Variants in PRSS55 observed in about 807,000 individuals in gnomAD.
The protein encoded by PRSS55 is serine protease 55, also known as probable serine protease UNQ9391/PRO34284.
In PRSS55, 41 loss-of-function variants were observed where a neutral mutation model predicts 23.6. The ratio of observed to expected loss-of-function variants is 1.74; its 90% CI spans 1.35 to 2.26. PRSS55 has a LOEUF of 2.26. PRSS55 is among the 30% of genes most tolerant of loss of function. The probability of loss-of-function intolerance (pLI) is 0.00; values close to 1 mark genes in which losing one functional copy is unlikely to be tolerated. For missense variants in PRSS55, 669 were observed against 439.1 expected, an observed-to-expected ratio of 1.52 and a Z score of -4.68; for synonymous variants, 262 against 175.5, an observed-to-expected ratio of 1.49 and a Z score of -3.90.
At chr8:10,545,000 G>T in intron 4 of PRSS55, 1 of 985,226 alleles carries the variant, frequency 1.0e-6, no homozygotes, top group Non-Finnish European at 1.2e-6. Flanking sequence ...GTGCTCTGTT[G>T]ACCCAGCCTC....
At chr8:10,541,992 G>T (rs772933203), downstream of PRSS55, among the ~76,000 whole-genome samples, 5 of 152,100 alleles carry the variant, frequency 3.3e-5, no homozygotes, top group Non-Finnish European at 7.3e-5. Flanking sequence ...GCCCAGGCTG[G>T]TCTCAAACTC....
intron 1 of PRSS55, among the ~76,000 whole-genome samples, chr8:10,527,103 T>TA (rs1812052845): frequency 6.6e-6 from 1 of 152,230 alleles, no homozygotes; most frequent in Non-Finnish European, 1.5e-5. Context: ...CTCAACGTAA[T>TA]AAAATCACAA....
rs1585899591 is a variant in PRSS55, at chr8:10,551,957, A to G, written c.742-1986A>G. Among the ~76,000 whole-genome samples the G allele has an allele frequency of 2.0e-5, 3 of 152,206 alleles. No homozygotes were observed. The South Asian group carries it at 6.2e-4, about 32-fold the overall frequency. On this transcript the variant is annotated intron_variant, in intron 4 of 4. Coordinates refer to the PRSS55 transcript ENST00000522210. ...AAAGAGGCAGTTAAACGACAGAAAC[A>G]TTGCCCGTTTGGCTAATAGCTCTAC...
intron 4 of PRSS55, among the ~76,000 whole-genome samples, chr8:10,534,174 G>C (rs183835572): frequency 2.3e-4 from 35 of 152,236 alleles, no homozygotes; most frequent in African/African-American, 8.2e-4. Context: ...TCTGGTTCCA[G>C]ACAAGACGGA....
chr8:10,539,516 T>A (rs1353877645), downstream of PRSS55, among the ~76,000 whole-genome samples: 1 of 152,240 alleles, frequency 6.6e-6, no homozygotes, highest in Admixed American at 6.5e-5. Flanking sequence ...CCCACTGATA[T>A]GGTTTGGCTA....
Position 10,533,040 on chromosome 8 carries a change from G to C in PRSS55, c.733G>C (p.Ala245Pro). ...CAGYKNESYD[A>P]CKGDSGGPLV... is the part of the protein sequence containing the mutation. ...CGGATACAAGAATGAGAGCTATGAT[G>C]CCTGCAAGGTAACTAGGGGGTACCC... Residue 245 changes from alanine (A) to proline (P), a missense_variant, in exon 4 of 5, where the codon GCC becomes CCC. Coordinates refer to ENST00000328655, the MANE Select transcript of PRSS55 (RefSeq NM_198464.4). 6.2e-7 allele frequency: 1 copy of C among 1,614,148 alleles called. No individual in the cohort carries two copies.
intron 3 of PRSS55, 94 bp from the exon 4 acceptor site, chr8:10,532,811 TG>T: frequency 4.7e-6 from 7 of 1,504,946 alleles, no homozygotes; most frequent in Non-Finnish European, 6.4e-6. Flanking sequence ...GGATGGGGGC[TG>T]GGGGACACAG....
Position 10,530,457 on chromosome 8 carries a change from C to G in PRSS55, c.347+758C>G, listed in dbSNP as rs150262451. Among the ~76,000 whole-genome samples, 256 of 152,360 alleles carry G rather than the reference C, an allele frequency of 1.7e-3. 1 individual carries two copies. The highest frequency in any genetic ancestry group is 0.016 in the East Asian group (84 of 5,178). ...ACCACTGGCACTCCCGCCTGGGCGA[C>G]AGAGCGAAACTCCATCTCAAAAAAA... On this transcript the variant is annotated intron_variant, in intron 2 of 4. Transcript: ENST00000328655.
At chr8:10,537,140 G>T (rs1333200329) in intron 4 of PRSS55, among the ~76,000 whole-genome samples, 1 of 152,196 alleles carries the variant, frequency 6.6e-6, no homozygotes, top group Non-Finnish European at 1.5e-5. Flanking sequence ...ACGTCCAAAA[G>T]AAAGGAAATC....
At chr8:10,534,872 G>A (rs984111852) in intron 4 of PRSS55, among the ~76,000 whole-genome samples, 16 of 152,072 alleles carry the variant, frequency 1.1e-4, no homozygotes, top group Non-Finnish European at 1.9e-4. Flanking sequence ...GCAAAGTTTC[G>A]GGATACAAAA....
rs1179408681 is a variant in PRSS55 at position 10,538,781 on chromosome 8, T to G, written c.1047T>G (p.Ala349=). ...LCPLSHVLFR[A]ILY ...CCCTGTCCCATGTGTTGTTCAGAGC[T>G]ATTTTGTACTGATAATAAAATAGAG... is the stretch of plus-strand genomic sequence containing the variant. The change falls in exon 5 of 5, where the codon GCT becomes GCG. Residue 349 remains alanine (A), a synonymous_variant. Coordinates refer to ENST00000328655, the MANE Select transcript of PRSS55 (RefSeq NM_198464.4). The G allele has an allele frequency of 2.6e-6, 4 of 1,563,506 alleles. 1 individual carries two copies. Among genetic ancestry groups the G allele is most frequent in the Non-Finnish European group, 3.5e-6 (4 of 1,158,158 alleles).
chr8:10,546,001 G>A (rs1317448612), intron 4 of PRSS55, among the ~76,000 whole-genome samples: 1 of 152,114 alleles, frequency 6.6e-6, no homozygotes, highest in Non-Finnish European at 1.5e-5. Context: ...CTGAGGCTCA[G>A]ATGCTGCGTG....
At chr8:10,534,951 T>A (rs933186081) in intron 4 of PRSS55, among the ~76,000 whole-genome samples, 6 of 152,124 alleles carry the variant, frequency 3.9e-5, no homozygotes, top group Non-Finnish European at 8.8e-5. Context: ...AAATCAAAAA[T>A]GCAATCCCAT....
downstream of PRSS55, among the ~76,000 whole-genome samples, chr8:10,543,733 T>C (rs1321092205): frequency 6.6e-6 from 1 of 152,068 alleles, no homozygotes; most frequent in African/African-American, 2.4e-5. Flanking sequence ...TGTGTTATGT[T>C]TTCACTCTCA....
chr8:10,537,987 C>G (rs1585881911), intron 4 of PRSS55, among the ~76,000 whole-genome samples: 1 of 152,178 alleles, frequency 6.6e-6, no homozygotes, highest in African/African-American at 2.4e-5. Flanking sequence ...AAGGGTCACA[C>G]ATTCTGAAAA....
At chr8:10,541,930 C>T (rs1487175391), downstream of PRSS55, among the ~76,000 whole-genome samples, 7 of 152,114 alleles carry the variant, frequency 4.6e-5, no homozygotes, top group South Asian at 1.5e-3. Flanking sequence ...CACATCACCA[C>T]ACCTGGCTCA....
At chr8:10,534,347 T>C (rs753005970) in intron 4 of PRSS55, among the ~76,000 whole-genome samples, 3 of 152,172 alleles carry the variant, frequency 2.0e-5, no homozygotes, top group Non-Finnish European at 4.4e-5. Context: ...ACTACACACA[T>C]CTTGACCAGA....
intron 1 of PRSS55, among the ~76,000 whole-genome samples, chr8:10,528,700 C>T (rs955677558): frequency 5.3e-5 from 8 of 152,214 alleles, no homozygotes; most frequent in African/African-American, 1.4e-4. Context: ...AAATGAATGA[C>T]CACACACCTG....
downstream of PRSS55, among the ~76,000 whole-genome samples, chr8:10,542,413 G>T (rs1309499754): frequency 3.0e-5 from 1 of 32,840 alleles, no homozygotes; most frequent in Non-Finnish European, 6.3e-5. Context: ...GAAGCACCAT[G>T]CGGGGGAAAA....
Sources: gnomAD v4.1 joint callset for allele counts (sites outside exome capture counted in the v4.1 genomes callset) on GRCh38, gnomAD v4.1.1 for gene constraint, MANE v1.5 for transcripts, NCBI Gene and HGNC (gene_info 2026-07-23, HGNC 2026-07-21) for gene names.